DLGAP5: variants seen among roughly 807,000 people sequenced by gnomAD.
DLGAP5 encodes DLG associated protein 5, also known as disks large-associated protein 5.
A neutral mutation model predicts 99.6 loss-of-function variants in DLGAP5; 90 were observed. The ratio of observed to expected loss-of-function variants is 0.90; its 90% CI spans 0.76 to 1.08. The LOEUF (loss-of-function observed/expected upper bound fraction) is 1.08. Among genes scored for constraint, DLGAP5 ranks in the 50% least tolerant of loss-of-function variants. DLGAP5 has a pLI of 0.00. For missense variants in DLGAP5, 1,036 were observed against 983.5 expected (o/e 1.05, Z -0.71); for synonymous variants, 311 against 321.3 (o/e 0.97, Z 0.34).
chr14:55,180,569 A>T (rs1467426093), intron 6 of DLGAP5, 87 bp downstream of exon 6: 1 of 1,562,160 alleles, frequency 6.4e-7, no homozygotes, highest in Non-Finnish European at 8.7e-7. Flanking sequence ...CTACTCAAAG[A>T]AGTACTTGTT....
chr14:55,177,040 A>C, intron 8 of DLGAP5, 22 bp downstream of exon 8: 1 of 1,026,274 alleles, frequency 9.7e-7, no homozygotes, highest in South Asian at 3.3e-5. Context: ...CAAGAGACTT[A>C]TTATTAAGAT....
Position 55,163,019 on chromosome 14 carries a change from C to T in DLGAP5, c.1605G>A (p.Trp535Ter), listed in dbSNP as rs376492080. The T allele has an allele frequency of 5.6e-6, 9 of 1,601,086 alleles. No individual in the cohort carries two copies. The highest frequency in any genetic ancestry group is 6.8e-6 in the Non-Finnish European group (8 of 1,173,914). ...NNLIKLEESGWQVNNNMNHNM... is the reference protein window; with the variant it reads ...NNLIKLEESG Reference sequence around the variant, plus strand: ...TATGATTCATATTATTATTGACTTGCCACCCAGATTCCTCAAGTTTGATCA... The same window carrying T: ...TATGATTCATATTATTATTGACTTGTCACCCAGATTCCTCAAGTTTGATCA... Residue 535 changes from tryptophan (W) to a stop codon, truncating the protein, a stop_gained, in exon 13 of 19, where the codon TGG becomes TGA. Transcript: ENST00000247191. LOFTEE classifies it high-confidence loss of function.
intron 13 of DLGAP5, 25 bp downstream of exon 13, chr14:55,162,944 AAT>A: frequency 1.5e-6 from 2 of 1,371,646 alleles, no homozygotes; most frequent in East Asian, 2.4e-5. Context: ...AAAAAAAAAA[AAT>A]TGGATATAAA....
In DLGAP5 at chr14:55,165,173, C is replaced by T. The variant is rs117480977; in HGVS notation, c.1549-2098G>A. On this transcript the variant is annotated intron_variant, in intron 12 of 18. Transcript: ENST00000247191. ...ATCTCAGTAAAAGATACATGAATGG[C>T]GAATAAGCTCACAAAAAGATACTTA... Among the ~76,000 whole-genome samples the T allele has an allele frequency of 9.0e-4, 137 of 151,936 alleles. 1 individual carries two copies. The highest frequency in any genetic ancestry group is 6.8e-3 in the Middle Eastern group (2 of 294).
rs955997975 is a variant in DLGAP5 at position 55,180,673 on chromosome 14, A to G, written c.686T>C (p.Val229Ala). ...TVSSTTARKP[V>A]TRAANENEPE... ...GTTCTCACCATTAGCAGCTCTTGTG[A>G]CTGGCTTTCTTGCTGTGGTAGATGA... The change falls in exon 6 of 19, where the codon GTC becomes GCC. Residue 229 changes from valine to alanine, a missense_variant. Transcript: ENST00000247191. The G allele has an allele frequency of 9.2e-5, 148 of 1,614,040 alleles. No individual in the cohort carries two copies. The highest frequency in any genetic ancestry group is 1.3e-4 in the Non-Finnish European group (148 of 1,180,018).
intron 12 of DLGAP5, among the ~76,000 whole-genome samples, chr14:55,166,247 A>C (rs1882637249): frequency 6.6e-6 from 1 of 152,226 alleles, no homozygotes; most frequent in Non-Finnish European, 1.5e-5. Flanking sequence ...AATATGGATA[A>C]AACTCAGAAA....
intron 1 of DLGAP5, 91 bp from the exon 2 acceptor site, chr14:55,189,271 CCTT>C (rs1279341648): frequency 3.3e-6 from 3 of 901,948 alleles, no homozygotes; most frequent in African/African-American, 3.4e-5. Context: ...CACTTCAGGG[CCTT>C]CTGAAATAAA....
At chr14:55,154,899 T>C (rs1882154392) in intron 14 of DLGAP5, 93 bp from the exon 15 acceptor site, 2 of 1,093,834 alleles carry the variant, frequency 1.8e-6, no homozygotes, top group African/African-American at 1.6e-5. Flanking sequence ...AATTAGCCTC[T>C]TTCTCCTGTC....
At chr14:55,163,608 T>C (rs1011409086) in intron 12 of DLGAP5, among the ~76,000 whole-genome samples, 1 of 152,218 alleles carries the variant, frequency 6.6e-6, no homozygotes, top group African/African-American at 2.4e-5. Flanking sequence ...AACTGTCTTC[T>C]AAAGTGGATA....
chr14:55,168,321 AAG>A (rs1302430166), intron 12 of DLGAP5, among the ~76,000 whole-genome samples: 2 of 152,148 alleles, frequency 1.3e-5, no homozygotes, highest in Non-Finnish European at 2.9e-5. Context: ...CTTAACTTCA[AAG>A]AGCTATTTAT....
At chr14:55,150,775 G>C (rs1359918229) in intron 18 of DLGAP5, 24 bp downstream of exon 18, 1 of 1,532,246 alleles carries the variant, frequency 6.5e-7, no homozygotes. Context: ...AATATAAAGG[G>C]ACTTGTCAAG....
At chr14:55,169,839 G>A (rs1030449177) in intron 11 of DLGAP5, among the ~76,000 whole-genome samples, 8 of 152,254 alleles carry the variant, frequency 5.3e-5, no homozygotes, top group African/African-American at 1.7e-4. Context: ...GTCAGCCGGT[G>A]TGGTGGCTCA....
intron 16 of DLGAP5, 44 bp downstream of exon 16, chr14:55,152,546 A>G (rs761268538): frequency 1.4e-6 from 2 of 1,464,278 alleles, no homozygotes; most frequent in South Asian, 1.3e-5. Flanking sequence ...TGATATAAAC[A>G]TATGACATAC....
In DLGAP5 at chr14:55,177,291, G is replaced by T. The variant is rs753038990; in HGVS notation, c.820C>A (p.Gln274Lys). ...TTCATTCCACTTGTTGCATTAGTTT[G>T]TGAATTCAAAGTATTTTCTTCACTA... ...VDSEENTLNS[Q>K]TNATSGMNPD... The change falls in exon 8 of 19, where the codon CAA becomes AAA. Residue 274 changes from glutamine (Q) to lysine (K), a missense_variant. Coordinates refer to ENST00000247191, the MANE Select transcript of DLGAP5 (RefSeq NM_014750.5). 11 of 1,608,074 alleles carry T rather than the reference G, an allele frequency of 6.8e-6. No homozygotes were observed. In the African/African-American group the frequency reaches 1.3e-4, roughly 20 times the overall value.
intron 10 of DLGAP5, among the ~76,000 whole-genome samples, chr14:55,171,869 A>G (rs909430491): frequency 1.3e-5 from 2 of 152,218 alleles, no homozygotes; most frequent in African/African-American, 4.8e-5. Flanking sequence ...AACAAGACAA[A>G]TACTACATAA....
chr14:55,151,991 A>G (rs1882036103), intron 16 of DLGAP5, 50 bp from the exon 17 acceptor site: 1 of 1,560,040 alleles, frequency 6.4e-7, no homozygotes, highest in African/African-American at 1.4e-5. Flanking sequence ...ATTACTTGGA[A>G]CAAATTTTAA....
intron 15 of DLGAP5, 54 bp from the exon 16 acceptor site, chr14:55,152,701 C>T (rs556657918): frequency 1.3e-4 from 188 of 1,435,562 alleles, no homozygotes; most frequent in Non-Finnish European, 1.4e-4. Flanking sequence ...TATTGTTTCA[C>T]TTGTATTTTG....
chr14:55,156,077 T>C (rs201070038), intron 14 of DLGAP5, among the ~76,000 whole-genome samples: 1 of 149,240 alleles, frequency 6.7e-6, no homozygotes, highest in East Asian at 2.0e-4. Context: ...GGCAATAGAG[T>C]GAGACTCTGC....
chr14:55,177,006 A>ATT, intron 8 of DLGAP5, 56 bp downstream of exon 8: 1 of 1,051,482 alleles, frequency 9.5e-7, no homozygotes, highest in Non-Finnish European at 1.2e-6. Context: ...AAAAAAAAAG[A>ATT]AAGGCATTTA....
Sources: gnomAD v4.1 joint callset for allele counts (sites outside exome capture counted in the v4.1 genomes callset) on GRCh38, gnomAD v4.1.1 for gene constraint, MANE v1.5 for transcripts, NCBI Gene and HGNC (gene_info 2026-07-23, HGNC 2026-07-21) for gene names.